The following GUCY1B1 variants were observed in gnomAD, a reference collection of about 807,000 sequenced individuals.
GUCY1B1 encodes the protein guanylate cyclase soluble subunit beta-1.
A neutral mutation model predicts 71.0 loss-of-function variants in GUCY1B1; 43 were observed. The ratio of observed to expected loss-of-function variants is 0.61; its 90% CI spans 0.47 to 0.78. The LOEUF (loss-of-function observed/expected upper bound fraction) is 0.78. GUCY1B1 is among the 30% of genes least tolerant of loss of function. The pLI, the probability that GUCY1B1 is intolerant of heterozygous loss-of-function variation, is 0.00. For synonymous variants in GUCY1B1, 266 were observed against 259.7 expected (o/e 1.02, Z -0.23); for missense variants, 535 against 754.1 (o/e 0.71, Z 3.40).
Position 155,803,689 on chromosome 4 carries a change from A to ACGAT in GUCY1B1, c.1481_1484dup (p.Cys497HisfsTer20). The stretch of plus-strand genomic sequence containing the variant: ...TACCAGAGCCATGCATTCACCATGC[A>ACGAT]CGATCCATCTGCCACCTGGCCTTGG... On this transcript the variant is annotated frameshift_variant, in exon 11 of 14. Coordinates refer to ENST00000264424, the MANE Select transcript of GUCY1B1 (RefSeq NM_000857.5). LOFTEE classifies it high-confidence loss of function. 1 of 1,605,240 alleles carries ACGAT rather than the reference A, an allele frequency of 6.2e-7. No individual in the cohort carries two copies. The highest frequency in any genetic ancestry group is 8.5e-7 in the Non-Finnish European group (1 of 1,175,522).
At chr4:155,803,255 C>T (rs1371836554) in intron 10 of GUCY1B1, among the ~76,000 whole-genome samples, 1 of 152,168 alleles carries the variant, frequency 6.6e-6, no homozygotes. Context: ...TGATAAATCA[C>T]TGAACTTGAA....
chr4:155,759,187 C>G, intron 1 of GUCY1B1, 44 bp downstream of exon 1: 1 of 1,547,548 alleles, frequency 6.5e-7, no homozygotes. Flanking sequence ...CACCCCTCCT[C>G]GGCCGGCCTG....
intron 9 of GUCY1B1, among the ~76,000 whole-genome samples, 181 bp downstream of exon 9, chr4:155,800,255 G>A (rs1312798940): frequency 1.3e-5 from 2 of 152,180 alleles, no homozygotes; most frequent in African/African-American, 4.8e-5. Context: ...CAGTCTTAAT[G>A]GTGGTGGAAA....
At chr4:155,801,579 G>T (rs6849556) in intron 9 of GUCY1B1, among the ~76,000 whole-genome samples, 4,702 of 152,172 alleles carry the variant, frequency 0.031, 264 homozygotes, top group African/African-American at 0.11. Flanking sequence ...TCCCACATAT[G>T]CCCTTTTGCT....
At chr4:155,774,595 C>T (rs1737914678) in intron 2 of GUCY1B1, among the ~76,000 whole-genome samples, 1 of 152,100 alleles carries the variant, frequency 6.6e-6, no homozygotes, top group African/African-American at 2.4e-5. Flanking sequence ...AAAGATTGTA[C>T]CCCTAGTACC....
At chr4:155,775,655 C>G (rs977420084) in intron 3 of GUCY1B1, among the ~76,000 whole-genome samples, 1 of 152,160 alleles carries the variant, frequency 6.6e-6, no homozygotes, top group Non-Finnish European at 1.5e-5. Context: ...ATTATTGATA[C>G]TTAATGTAAC....
Position 155,807,756 on chromosome 4 carries a change from A to T in GUCY1B1, c.*1347A>T, listed in dbSNP as rs978260185. Among the ~76,000 whole-genome samples, 5 of 152,120 alleles carry T rather than the reference A, an allele frequency of 3.3e-5. No homozygotes were observed. The highest frequency in any genetic ancestry group is 1.2e-4 in the African/African-American group (5 of 41,438). ...TTCTTAAATGCTATATTTCTTTTTA[A>T]TACCAACAGAGTGACAGGAAATAAA... is the stretch of plus-strand genomic sequence containing the variant. On this transcript the variant is annotated 3_prime_UTR_variant, in exon 14 of 14. Transcript: ENST00000264424.
intron 4 of GUCY1B1, 46 bp from the exon 5 acceptor site, chr4:155,789,668 A>T: frequency 9.0e-7 from 1 of 1,110,288 alleles, no homozygotes; most frequent in Non-Finnish European, 1.3e-6. Context: ...GTCTGCTGTC[A>T]TTGCGAAAGC....
chr4:155,803,828 T>A, intron 11 of GUCY1B1, 64 bp downstream of exon 11: 2 of 1,108,292 alleles, frequency 1.8e-6, no homozygotes, highest in Non-Finnish European at 2.5e-6. Flanking sequence ...TTGATTCATA[T>A]CGTTGTCCGG....
rs1740008024 is a variant in GUCY1B1, at chr4:155,802,305, T to C, written c.1176-37T>C. The stretch of plus-strand genomic sequence containing the variant: ...AGAAGCACTAAAGGCTTTCCCAGTA[T>C]TTCTTACAGTGGCTTTCTGCTGATC... On this transcript the variant is annotated intron_variant, in intron 9 of 13. Transcript: ENST00000264424. This position sits in a 1 kb window ranked among gnomAD's most constrained non-coding sequence, Gnocchi z 4.3. The C allele has an allele frequency of 3.7e-6, 6 of 1,612,690 alleles. No individual in the cohort carries two copies. The highest frequency in any genetic ancestry group is 5.1e-6 in the Non-Finnish European group (6 of 1,179,490).
intron 8 of GUCY1B1, 36 bp from the exon 9 acceptor site, chr4:155,799,841 T>C (rs373166124): frequency 1.8e-5 from 23 of 1,312,502 alleles, no homozygotes; most frequent in Non-Finnish European, 2.4e-5. Flanking sequence ...TGTATATAAG[T>C]TGAGACTGAT....
intron 5 of GUCY1B1, among the ~76,000 whole-genome samples, chr4:155,791,731 CA>C (rs1420542895): frequency 1.4e-5 from 1 of 69,658 alleles, no homozygotes; most frequent in Non-Finnish European, 2.6e-5. Flanking sequence ...ACTCCATTAT[CA>C]AAAAAATAGA....
chr4:155,783,106 C>G (rs1429561378), intron 4 of GUCY1B1, among the ~76,000 whole-genome samples: 2 of 152,182 alleles, frequency 1.3e-5, no homozygotes, highest in East Asian at 1.9e-4. Flanking sequence ...AACTAGACCA[C>G]TACTCTGTGC....
chr4:155,784,634 T>C (rs72681507), intron 4 of GUCY1B1, among the ~76,000 whole-genome samples: 3,528 of 152,234 alleles, frequency 0.023, 76 homozygotes, highest in South Asian at 0.069. Context: ...TTCTTGCAGA[T>C]CTAAACTGCA....
At position 155,805,242 on chromosome 4, in the gene GUCY1B1, A is replaced by C. The variant is rs369261652; in HGVS notation, c.1836+13A>C. On this transcript the variant is annotated intron_variant, in intron 13 of 13. Coordinates refer to ENST00000264424, the MANE Select transcript of GUCY1B1 (RefSeq NM_000857.5). ...TACAGGAACAGAGGTATGACTAATC[A>C]AAGTGTAATTTGCGTACTTAAGACA... 3 of 1,602,272 alleles carry C rather than the reference A, an allele frequency of 1.9e-6. No individual in the cohort carries two copies. The Admixed American group carries it at 5.1e-5, about 27-fold the overall frequency.
chr4:155,781,707 G>A (rs1738429324), intron 4 of GUCY1B1, among the ~76,000 whole-genome samples: 1 of 151,806 alleles, frequency 6.6e-6, no homozygotes, highest in Non-Finnish European at 1.5e-5. Flanking sequence ...AATATTTTTA[G>A]AGAAAACTTT....
rs368471905 is a variant in GUCY1B1, at chr4:155,796,517, A to AT, written c.977+12dup. On this transcript the variant is annotated splice_region_variant and intron_variant, in intron 8 of 13. Coordinates refer to ENST00000264424, the MANE Select transcript of GUCY1B1 (RefSeq NM_000857.5). ...TTTTTCTATGTTCACCAAGGTAATCATTTTTAGATTAATTATAGTGGCTAT... is the reference window on the plus strand; with the variant it reads ...TTTTTCTATGTTCACCAAGGTAATCATTTTTTAGATTAATTATAGTGGCTAT... The AT allele has an allele frequency of 6.3e-7, 1 of 1,594,470 alleles. No individual in the cohort carries two copies. Among genetic ancestry groups the AT allele is most frequent in the Non-Finnish European group, 8.6e-7 (1 of 1,164,316 alleles).
chr4:155,793,850 A>G lies in GUCY1B1; in HGVS notation c.496-6A>G. 1 of 1,237,308 alleles carries G rather than the reference A, an allele frequency of 8.1e-7. No individual in the cohort carries two copies. Among genetic ancestry groups the G allele is most frequent in the Non-Finnish European group, 1.2e-6 (1 of 837,736 alleles). 76.6% of individuals were successfully genotyped at this position (1,237,308 alleles called of 1,614,324 possible). Reference sequence around the variant, plus strand: ...AATTCATGCCATTTCCCCCTTTGATATCCAGGTTATTCAGCAAAGAAATGA... The same window carrying G: ...AATTCATGCCATTTCCCCCTTTGATGTCCAGGTTATTCAGCAAAGAAATGA... On this transcript the variant is annotated splice_region_variant and splice_polypyrimidine_tract_variant and intron_variant, in intron 5 of 13. Transcript: ENST00000264424.
At chr4:155,771,448 A>C (rs985045795) in intron 2 of GUCY1B1, among the ~76,000 whole-genome samples, 2 of 152,216 alleles carry the variant, frequency 1.3e-5, no homozygotes, top group Admixed American at 6.5e-5. Flanking sequence ...TTTATGGGTT[A>C]CTAGAGATTG....
Sources: gnomAD v4.1 joint callset for allele counts (sites outside exome capture counted in the v4.1 genomes callset) on GRCh38, gnomAD v4.1.1 for gene constraint, Gnocchi (gnomAD v3.1) non-coding constraint, MANE v1.5 for transcripts, NCBI Gene and HGNC (gene_info 2026-07-23, HGNC 2026-07-21) for gene names.